The following ZFHX3 variants were observed in gnomAD, a reference collection of about 807,000 sequenced individuals.
ZFHX3 encodes zinc finger homeobox protein 3.
In ZFHX3, 42 loss-of-function variants were observed where a neutral mutation model predicts 279.1. That is an observed-to-expected ratio of 0.15 (90% confidence interval 0.12 to 0.19). The LOEUF is 0.19. Among genes scored for constraint, ZFHX3 ranks in the 10% least tolerant of loss-of-function variants. The probability of loss-of-function intolerance (pLI) is 1.00; values close to 1 mark genes in which losing one functional copy is unlikely to be tolerated. For missense variants in ZFHX3, 4,981 were observed against 4,754.0 expected (o/e 1.05, Z -1.40); for synonymous variants, 2,293 against 1,957.8 (o/e 1.17, Z -4.52).
At chr16:73,757,343 G>A (rs1597097483) in intron 1 of ZFHX3, among the ~76,000 whole-genome samples, 1 of 152,162 alleles carries the variant, frequency 6.6e-6, no homozygotes, top group East Asian at 1.9e-4. Flanking sequence ...CTACCCATTA[G>A]GAATAAGGAT....
At chr16:73,122,046 G>GTC (rs369786970) in intron 7 of ZFHX3, among the ~76,000 whole-genome samples, 6 of 152,082 alleles carry the variant, frequency 3.9e-5, no homozygotes, top group African/African-American at 1.4e-4. Flanking sequence ...GTCTTCGTGT[G>GTC]TCTCTCTCCC....
chr16:73,880,379 C>T (rs2030104485), intron 1 of ZFHX3, among the ~76,000 whole-genome samples: 1 of 152,086 alleles, frequency 6.6e-6, no homozygotes, highest in Non-Finnish European at 1.5e-5. Flanking sequence ...TAAATGAGAA[C>T]TCTTTTTTTC....
chr16:73,886,852 T>G (rs1449306878), intron 1 of ZFHX3, among the ~76,000 whole-genome samples: 1 of 152,216 alleles, frequency 6.6e-6, no homozygotes. Flanking sequence ...GCAACTGGGT[T>G]AGGTGAATTG....
At chr16:72,995,996 G>A (rs28401732) in intron 1 of ZFHX3, among the ~76,000 whole-genome samples, 21,723 of 152,052 alleles carry the variant, frequency 0.14, 1,787 homozygotes, top group Admixed American at 0.25. Flanking sequence ...TGCCAGGTGC[G>A]GTGGCTCACG....
At chr16:73,163,526 C>T (rs568085120) in intron 5 of ZFHX3, among the ~76,000 whole-genome samples, 6 of 152,228 alleles carry the variant, frequency 3.9e-5, no homozygotes, top group African/African-American at 1.4e-4. Flanking sequence ...GTAGTTGCAA[C>T]AGAGACAGTA....
chr16:72,793,214 A>G lies in ZFHX3; in HGVS notation c.9427+41T>C, dbSNP rs2035772332. 1.9e-6 allele frequency: 3 copies of G among 1,556,066 alleles called. No individual in the cohort carries two copies. The highest frequency in any genetic ancestry group is 1.7e-6 in the Non-Finnish European group (2 of 1,152,554). Reference sequence around the variant, plus strand: ...CCACATAACAGAATGCTGACTGGGCAGCTATTTAGCCCTGAAACAATCGCC... The same window carrying G: ...CCACATAACAGAATGCTGACTGGGCGGCTATTTAGCCCTGAAACAATCGCC... On this transcript the variant is annotated intron_variant, in intron 9 of 9. Transcript: ENST00000268489. This position sits in a 1 kb window ranked among gnomAD's most constrained non-coding sequence, Gnocchi z 4.3.
At chr16:73,335,369 AG>A (rs2015892688) in intron 3 of ZFHX3, among the ~76,000 whole-genome samples, 1 of 152,264 alleles carries the variant, frequency 6.6e-6, no homozygotes, top group African/African-American at 2.4e-5. Flanking sequence ...GTGATTTTAA[AG>A]AACCCAACAA....
At chr16:73,588,715 A>C (rs1466426731) in intron 2 of ZFHX3, among the ~76,000 whole-genome samples, 4 of 151,586 alleles carry the variant, frequency 2.6e-5, no homozygotes, top group South Asian at 2.1e-4. Context: ...AACAAAAAAA[A>C]AAAAAACAAG....
At chr16:73,020,274 T>A (rs1964254383) in intron 1 of ZFHX3, among the ~76,000 whole-genome samples, 1 of 152,218 alleles carries the variant, frequency 6.6e-6, no homozygotes, top group African/African-American at 2.4e-5. Context: ...AACACTCCCT[T>A]AGGATCATGA....
chr16:72,940,217 T>G (rs1298242785), intron 3 of ZFHX3, among the ~76,000 whole-genome samples: 2 of 152,164 alleles, frequency 1.3e-5, no homozygotes, highest in Admixed American at 6.5e-5. Context: ...ACAAGTTTTT[T>G]AGTAACACAT....
At chr16:72,939,255 G>A (rs1386263204) in intron 3 of ZFHX3, among the ~76,000 whole-genome samples, 1 of 152,074 alleles carries the variant, frequency 6.6e-6, no homozygotes, top group Non-Finnish European at 1.5e-5. Context: ...CCCCCATCTC[G>A]AGGCACAGAG....
At chr16:73,541,632 C>T (rs577835808) in intron 2 of ZFHX3, among the ~76,000 whole-genome samples, 7 of 152,198 alleles carry the variant, frequency 4.6e-5, no homozygotes, top group African/African-American at 1.7e-4. Flanking sequence ...CATGCAGAGA[C>T]GGATGCCTGG....
chr16:73,508,800 A>G (rs1158523824), intron 2 of ZFHX3, among the ~76,000 whole-genome samples: 1 of 152,174 alleles, frequency 6.6e-6, no homozygotes, highest in Non-Finnish European at 1.5e-5. Context: ...GCAAAAATAG[A>G]AGCAGTGTGT....
chr16:73,177,919 G>A (rs1209837014), intron 5 of ZFHX3, among the ~76,000 whole-genome samples: 6 of 151,798 alleles, frequency 4.0e-5, no homozygotes, highest in African/African-American at 9.7e-5. Context: ...GAGCTGCTGC[G>A]AACAGGGGCT....
In ZFHX3 at chr16:72,958,247, C is replaced by T. The variant is rs752240698; in HGVS notation, c.1899G>A (p.Glu633=). 6.2e-7 allele frequency: 1 copy of T among 1,613,218 alleles called. No homozygotes were observed. Among genetic ancestry groups the T allele is most frequent in the South Asian group, 1.1e-5 (1 of 91,078 alleles). Residue 633 remains glutamate (E), a synonymous_variant, in exon 2 of 10, where the codon GAG becomes GAA. Coordinates refer to ENST00000268489, the MANE Select transcript of ZFHX3 (RefSeq NM_006885.4). The stretch of plus-strand genomic sequence containing the variant: ...ACTCCACGCCACTCCCCGAGGGGCA[C>T]TCCCCAACCCCAAGCTCGCAGAGGG... The part of the protein sequence containing the change: ...AGSLCELGVG[E]CPSGSGVECP...
chr16:73,731,060 G>C (rs2053566111), intron 1 of ZFHX3, among the ~76,000 whole-genome samples: 1 of 152,134 alleles, frequency 6.6e-6, no homozygotes. Context: ...GATAAAAAAA[G>C]GTTTCTTTGC....
chr16:73,321,668 T>A (rs1331855791), intron 3 of ZFHX3, among the ~76,000 whole-genome samples: 5 of 152,238 alleles, frequency 3.3e-5, no homozygotes, highest in Non-Finnish European at 5.9e-5. Flanking sequence ...CTTCTCTACA[T>A]GCTGCAGGCC....
chr16:73,281,264 G>A (rs551093494), intron 4 of ZFHX3, among the ~76,000 whole-genome samples: 42 of 152,268 alleles, frequency 2.8e-4, no homozygotes, highest in African/African-American at 9.4e-4. Context: ...TGAAGAAATG[G>A]TGGTGTATAT....
At chr16:73,030,816 T>C (rs1964671753) in intron 1 of ZFHX3, among the ~76,000 whole-genome samples, 1 of 152,210 alleles carries the variant, frequency 6.6e-6, no homozygotes, top group Admixed American at 6.5e-5. Flanking sequence ...CTCAGCCTTC[T>C]CAGGGATTCC....
Sources: gnomAD v4.1 joint callset for allele counts (sites outside exome capture counted in the v4.1 genomes callset) on GRCh38, gnomAD v4.1.1 for gene constraint, Gnocchi (gnomAD v3.1) non-coding constraint, MANE v1.5 for transcripts, NCBI Gene and HGNC (gene_info 2026-07-23, HGNC 2026-07-21) for gene names.